Variants in CADPS2 observed in about 807,000 individuals in gnomAD.
CADPS2 encodes the protein calcium-dependent secretion activator 2.
CADPS2 carries 93 observed loss-of-function variants against 172.5 expected under a neutral mutation model. That is an observed-to-expected ratio of 0.54 (90% CI 0.46 to 0.64). CADPS2 has a LOEUF of 0.64. Ranked by LOEUF, CADPS2 falls within the 30% of genes least tolerant of loss-of-function variation. The pLI, the probability that CADPS2 is intolerant of heterozygous loss-of-function variation, is 0.00. For missense variants in CADPS2, 1,420 were observed against 1,565.9 expected (o/e 0.91, Z 1.57); for synonymous variants, 546 against 555.2 (o/e 0.98, Z 0.23).
chr7:122,677,328 C>T (rs960685387), intron 2 of CADPS2, among the ~76,000 whole-genome samples: 1 of 152,106 alleles, frequency 6.6e-6, no homozygotes, highest in Non-Finnish European at 1.5e-5. Context: ...TCAAAAGGAA[C>T]CAAGGGGCCA....
chr7:122,484,944 G>A (rs954120899), intron 11 of CADPS2, among the ~76,000 whole-genome samples: 9 of 151,844 alleles, frequency 5.9e-5, no homozygotes, highest in African/African-American at 2.2e-4. Context: ...AATTCTCACA[G>A]TATTTCCAAC....
intron 1 of CADPS2, among the ~76,000 whole-genome samples, chr7:122,783,068 C>A (rs984872178): frequency 1.3e-5 from 2 of 151,340 alleles, no homozygotes; most frequent in African/African-American, 4.9e-5. Flanking sequence ...AAAAATTAGC[C>A]GGGCGTGGTG....
chr7:122,879,261 G>A (rs994205519), intron 1 of CADPS2, among the ~76,000 whole-genome samples: 44 of 139,730 alleles, frequency 3.1e-4, no homozygotes, highest in Middle Eastern at 5.3e-3. Flanking sequence ...AAAAGGACCA[G>A]GTGCAGTGGC....
intron 9 of CADPS2, among the ~76,000 whole-genome samples, chr7:122,512,947 T>C (rs941928049): frequency 6.6e-6 from 1 of 152,124 alleles, no homozygotes; most frequent in Non-Finnish European, 1.5e-5. Flanking sequence ...TTATCTGATA[T>C]TGCAAAAAAT....
intron 3 of CADPS2, among the ~76,000 whole-genome samples, chr7:122,630,942 T>C (rs1045386309): frequency 4.6e-5 from 7 of 152,158 alleles, no homozygotes; most frequent in Non-Finnish European, 8.8e-5. Flanking sequence ...ACAAACAATT[T>C]TAATTGATTA....
intron 2 of CADPS2, among the ~76,000 whole-genome samples, chr7:122,692,889 G>A (rs556190408): frequency 6.6e-6 from 1 of 152,340 alleles, no homozygotes; most frequent in South Asian, 2.1e-4. Context: ...TGCCTTCAGG[G>A]TCAGCAGCTT....
rs1157777601 is a variant in CADPS2, at chr7:122,438,434, G to A, written c.2383C>T (p.Pro795Ser). ...VLMKDIATPI[P>S]AEEVKKVVRK... ...ACCACTTTCTTCACCTCTTCTGCTGGTATGGGAGTGGCAATATCTTTCATT... is the reference window on the plus strand; with the variant it reads ...ACCACTTTCTTCACCTCTTCTGCTGATATGGGAGTGGCAATATCTTTCATT... Residue 795 changes from proline to serine, a missense_variant, in exon 17 of 30, where the codon CCA becomes TCA. By Grantham distance (74) the Pro-to-Ser change is moderately conservative (BLOSUM62 -1). Transcript: ENST00000449022. 4 of 1,612,990 alleles carry A rather than the reference G, an allele frequency of 2.5e-6. No individual in the cohort carries two copies. Among genetic ancestry groups the A allele is most frequent in the Non-Finnish European group, 3.4e-6 (4 of 1,179,330 alleles).
intron 14 of CADPS2, among the ~76,000 whole-genome samples, chr7:122,458,362 A>G (rs947109233): frequency 1.3e-5 from 2 of 152,178 alleles, no homozygotes; most frequent in African/African-American, 2.4e-5. Context: ...TTCCTAACCT[A>G]TAATACCTCC....
chr7:122,508,447 A>T (rs2059773727), intron 9 of CADPS2, among the ~76,000 whole-genome samples: 1 of 127,224 alleles, frequency 7.9e-6, no homozygotes, highest in African/African-American at 2.9e-5. Flanking sequence ...TTATTCATTT[A>T]AGTTTTTTTT....
At chr7:122,702,507 T>A in intron 2 of CADPS2, 1 of 1,613,616 alleles carries the variant, frequency 6.2e-7, no homozygotes, top group Non-Finnish European at 8.5e-7. Flanking sequence ...GCATTCTGAT[T>A]CCATCCTTCA....
At chr7:122,497,105 T>C (rs1216157864) in intron 9 of CADPS2, among the ~76,000 whole-genome samples, 1 of 152,108 alleles carries the variant, frequency 6.6e-6, no homozygotes, top group East Asian at 1.9e-4. Context: ...GCTTTTTGCC[T>C]TGAAGTCTAT....
At chr7:122,363,353 C>T (rs555456518) in intron 25 of CADPS2, among the ~76,000 whole-genome samples, 1 of 152,138 alleles carries the variant, frequency 6.6e-6, no homozygotes, top group Admixed American at 6.6e-5. Context: ...TGTAGCCCAG[C>T]ACCTGATTCT....
chr7:122,869,599 C>G (rs139183081), intron 1 of CADPS2, among the ~76,000 whole-genome samples: 221 of 151,952 alleles, frequency 1.5e-3, no homozygotes, highest in Middle Eastern at 0.01. Flanking sequence ...GTCATTCAAG[C>G]TAAAGGAGAA....
At chr7:122,813,544 C>T (rs577339921) in intron 1 of CADPS2, among the ~76,000 whole-genome samples, 2 of 152,222 alleles carry the variant, frequency 1.3e-5, no homozygotes, top group East Asian at 3.9e-4. Flanking sequence ...AATTACCTCA[C>T]TTTTTTATGC....
chr7:122,800,184 A>T (rs892443747), intron 1 of CADPS2, among the ~76,000 whole-genome samples: 1 of 152,228 alleles, frequency 6.6e-6, no homozygotes, highest in African/African-American at 2.4e-5. Flanking sequence ...ATCCACGGTT[A>T]TAATACTAGT....
At chr7:122,716,910 T>C (rs2089690564) in intron 2 of CADPS2, among the ~76,000 whole-genome samples, 1 of 152,024 alleles carries the variant, frequency 6.6e-6, no homozygotes, top group South Asian at 2.1e-4. Flanking sequence ...TGGGGTTTTG[T>C]CCCTACTTGC....
chr7:122,662,698 T>C (rs993572900), intron 3 of CADPS2, among the ~76,000 whole-genome samples: 46 of 152,136 alleles, frequency 3.0e-4, no homozygotes, highest in Admixed American at 2.6e-3. Context: ...TATGTATAAC[T>C]AGAATAACAA....
intron 24 of CADPS2, among the ~76,000 whole-genome samples, chr7:122,383,449 T>G (rs2151394813): frequency 6.6e-6 from 1 of 152,118 alleles, no homozygotes. Flanking sequence ...AAGTTGAAAT[T>G]TAAAAGAAGA....
intron 1 of CADPS2, among the ~76,000 whole-genome samples, chr7:122,819,314 C>T (rs1020325349): frequency 6.6e-6 from 1 of 152,186 alleles, no homozygotes; most frequent in African/African-American, 2.4e-5. Context: ...CTGGCAGCCA[C>T]TCCCAGAGCC....
Sources: gnomAD v4.1 joint callset for allele counts (sites outside exome capture counted in the v4.1 genomes callset) on GRCh38, gnomAD v4.1.1 for gene constraint, MANE v1.5 for transcripts, NCBI Gene and HGNC (gene_info 2026-07-23, HGNC 2026-07-21) for gene names.